Variants in ANKRD53 observed in about 807,000 individuals in gnomAD.
The protein encoded by ANKRD53 is ankyrin repeat domain 53.
ANKRD53 carries 27 observed loss-of-function variants against 30.1 expected under a neutral mutation model. That is an observed-to-expected ratio of 0.90 (90% confidence interval 0.66 to 1.24). The LOEUF is 1.24. Among genes scored for constraint, ANKRD53 ranks in the 50% most tolerant of loss-of-function variants. ANKRD53 has a pLI of 0.00. For synonymous variants in ANKRD53, 286 were observed against 295.4 expected, an observed-to-expected ratio of 0.97 and a Z score of 0.33; for missense variants, 682 against 721.0, an observed-to-expected ratio of 0.95 and a Z score of 0.62.
Position 70,984,250 on chromosome 2 carries a change from G to GT in ANKRD53, c.904-360dup, listed in dbSNP as rs1670101784. 1.9e-6 allele frequency: 3 copies of GT among 1,614,188 alleles called. No individual in the cohort carries two copies. In the East Asian group the frequency reaches 6.7e-5, roughly 36 times the overall value. Reference sequence around the variant, plus strand: ...TGGAGAAGAAGGGAATTGTCTTTCTGTAAGACTTGAGGTTTTCCCTAGGGC... The same window carrying GT: ...TGGAGAAGAAGGGAATTGTCTTTCTGTTAAGACTTGAGGTTTTCCCTAGGGC... On this transcript the variant is annotated intron_variant, in intron 5 of 5. Transcript: ENST00000360589.
chr2:70,985,317 T>C lies in ANKRD53; in HGVS notation c.*17T>C. 6.9e-7 allele frequency: 1 copy of C among 1,439,970 alleles called. No homozygotes were observed. The highest frequency in any genetic ancestry group is 9.3e-7 in the Non-Finnish European group (1 of 1,074,494). The allele number at this position is 1,439,970 out of a possible 1,614,324, so 89.2% of individuals were successfully genotyped here. A position where few individuals can be genotyped will look rare whatever the true frequency, so the allele number is the denominator to read the frequency against. ...AACCCATAAAGTTATTATGGCTACC[T>C]CTCCCCCTGAGGCAGCCCAGTGAAG... On this transcript the variant is annotated 3_prime_UTR_variant, in exon 6 of 6. Transcript: ENST00000360589.
intron 5 of ANKRD53, among the ~76,000 whole-genome samples, chr2:70,983,639 G>A (rs969356916): frequency 6.6e-6 from 1 of 152,132 alleles, no homozygotes. Context: ...CCAGTCCTCA[G>A]AGTCACACAC....
Position 70,982,669 on chromosome 2 carries a change from T to G in ANKRD53, c.875T>G (p.Met292Arg), listed in dbSNP as rs369415963. ...ATGTTCAAGAGCCAGCTGACCCTCATGGAGCACAACTACCTGATTGAGTAT... is the reference window on the plus strand; with the variant it reads ...ATGTTCAAGAGCCAGCTGACCCTCAGGGAGCACAACTACCTGATTGAGTAT... Reference protein sequence around the residue: ...MKMFKSQLTLMEHNYLIEYQK... With the variant: ...MKMFKSQLTLREHNYLIEYQK... The change falls in exon 5 of 6, where the codon ATG (methionine) becomes AGG (arginine). Residue 292 changes from methionine to arginine, a missense_variant. Physicochemically the swap from Met to Arg is moderately conservative, Grantham distance 91 (BLOSUM62 -1). Transcript: ENST00000360589. The surrounding 1 kb of genome is among the most constrained non-coding windows in gnomAD (Gnocchi z 4.2). 6.2e-7 allele frequency: 1 copy of G among 1,613,852 alleles called. No individual in the cohort carries two copies. Among genetic ancestry groups the G allele is most frequent in the African/African-American group, 1.3e-5 (1 of 74,876 alleles).
In ANKRD53 at chr2:70,984,786, G is replaced by A. The variant is rs782103926; in HGVS notation, c.1079G>A (p.Arg360His). Residue 360 changes from arginine to histidine, a missense_variant, in exon 6 of 6, where the codon CGC becomes CAC. Arg to His is a conservative substitution (Grantham distance 29, BLOSUM62 0). Transcript: ENST00000360589. The stretch of plus-strand genomic sequence containing the variant: ...AGCTTCCACCCCTCTGTGGATGCAC[G>A]CCTGCAATGCATTCCACAGCCCACG... ...SRSFHPSVDA[R>H]LQCIPQPTEM... The A allele has an allele frequency of 6.4e-6, 10 of 1,559,688 alleles. No homozygotes were observed. Among genetic ancestry groups the A allele is most frequent in the Middle Eastern group, 1.7e-4 (1 of 6,022 alleles).
Position 70,985,324 on chromosome 2 carries a change from CT to C in ANKRD53, c.*25del. ...AAAGTTATTATGGCTACCTCTCCCC[CT>C]GAGGCAGCCCAGTGAAGGCTGAAGT... is the stretch of plus-strand genomic sequence containing the variant. On this transcript the variant is annotated 3_prime_UTR_variant, in exon 6 of 6. Transcript: ENST00000360589. 2 of 1,535,992 alleles carry C rather than the reference CT, an allele frequency of 1.3e-6. No individual in the cohort carries two copies. The highest frequency in any genetic ancestry group is 1.2e-5 in the South Asian group (1 of 82,786).
At chr2:70,981,904 G>C in intron 3 of ANKRD53, 32 bp from the exon 4 acceptor site, 1 of 1,517,638 alleles carries the variant, frequency 6.6e-7, no homozygotes, top group Non-Finnish European at 8.8e-7. Context: ...TTTCCTTTCT[G>C]CCCTTATCCC....
chr2:70,979,134 C>T lies in ANKRD53; in HGVS notation c.208C>T (p.Gln70Ter). The change falls in exon 2 of 6, where the codon CAG becomes TAG. Residue 70 changes from glutamine (Q) to a stop codon, truncating the protein, a stop_gained. Transcript: ENST00000360589. LOFTEE classifies it high-confidence loss of function. ...CGACCTCGCAGACCACCTCAGTGCG[C>T]AGGCGACTGCCCTCGCCAGGCCGCG... ...LPDLADHLSAQATALARPRRP... is the reference protein window; with the variant it reads ...LPDLADHLSA 6.2e-7 allele frequency: 1 copy of T among 1,607,430 alleles called. No individual in the cohort carries two copies.
intron 2 of ANKRD53, 150 bp downstream of exon 2, chr2:70,979,493 G>A (rs943905562): frequency 2.7e-6 from 4 of 1,455,642 alleles, no homozygotes; most frequent in Non-Finnish European, 3.7e-6. Flanking sequence ...TGGGGGCAGG[G>A]AGGTTGGGTG....
rs781857618 is a variant in ANKRD53 at position 70,978,836 on chromosome 2, T to A, written c.170+21T>A. 6.5e-7 allele frequency: 1 copy of A among 1,549,864 alleles called. No individual in the cohort carries two copies. Among genetic ancestry groups the A allele is most frequent in the East Asian group, 2.4e-5 (1 of 41,380 alleles). On this transcript the variant is annotated intron_variant, in intron 1 of 5. Coordinates refer to ENST00000360589, the MANE Select transcript of ANKRD53 (RefSeq NM_001115116.2). This position sits in a 1 kb window ranked among gnomAD's most constrained non-coding sequence, Gnocchi z 4.3. The stretch of plus-strand genomic sequence containing the variant: ...CCCAGGTGGGTAGCGGGAGAAGGTG[T>A]CCCGGCTGCAGGGAGCGAGAACCCG...
intron 2 of ANKRD53, 83 bp downstream of exon 2, chr2:70,979,426 C>A: frequency 6.3e-7 from 1 of 1,582,116 alleles, no homozygotes; most frequent in South Asian, 1.2e-5. Flanking sequence ...AAGAGATATC[C>A]TTTTCTGGGT....
intron 5 of ANKRD53, among the ~76,000 whole-genome samples, chr2:70,983,249 G>A (rs1037776531): frequency 2.6e-5 from 4 of 152,192 alleles, no homozygotes; most frequent in Admixed American, 6.5e-5. Flanking sequence ...TGAAAGATGC[G>A]CAGCAGTTGG....
rs782720535 is a variant in ANKRD53, at chr2:70,979,825, C to T, written c.582C>T (p.Ile194=). Residue 194 remains isoleucine, a synonymous_variant, in exon 3 of 6, where the codon ATC becomes ATT. Transcript: ENST00000360589. The part of the protein sequence containing the change: ...RDNTTVALPC[I]YYLLEKGADL... ...ACACCACCGTGGCCCTCCCCTGCAT[C>T]TACTACCTGCTGGAGAAAGGCGCAG... The T allele has an allele frequency of 3.0e-5, 48 of 1,614,152 alleles. No individual in the cohort carries two copies. Among genetic ancestry groups the T allele is most frequent in the Non-Finnish European group, 4.0e-5 (47 of 1,180,058 alleles).
At position 70,982,416 on chromosome 2, in the gene ANKRD53, G is replaced by A; in HGVS notation, c.783-161G>A. 1.3e-5 allele frequency: 13 copies of A among 1,010,788 alleles called. No individual in the cohort carries two copies. Among genetic ancestry groups the A allele is most frequent in the Non-Finnish European group, 1.7e-5 (12 of 702,656 alleles). The allele number at this position is 1,010,788 out of a possible 1,614,324, so 62.6% of individuals were successfully genotyped here. Reference sequence around the variant, plus strand: ...TCGTCTTTCACCTAAAGGAAGTAGGGAGCCAGAGGGCCCCGGGCAATGGGG... The same window carrying A: ...TCGTCTTTCACCTAAAGGAAGTAGGAAGCCAGAGGGCCCCGGGCAATGGGG... On this transcript the variant is annotated intron_variant, in intron 4 of 5. Transcript: ENST00000360589. This position sits in a 1 kb window ranked among gnomAD's most constrained non-coding sequence, Gnocchi z 4.2.
Position 70,982,214 on chromosome 2 carries a change from G to C in ANKRD53, c.782+114G>C. 8.0e-7 allele frequency: 1 copy of C among 1,250,052 alleles called. No individual in the cohort carries two copies. The highest frequency in any genetic ancestry group is 1.6e-5 in the South Asian group (1 of 63,530). The allele number at this position is 1,250,052 out of a possible 1,614,324, so 77.4% of individuals were successfully genotyped here. On this transcript the variant is annotated intron_variant, in intron 4 of 5. Coordinates refer to ENST00000360589, the MANE Select transcript of ANKRD53 (RefSeq NM_001115116.2). This position sits in a 1 kb window ranked among gnomAD's most constrained non-coding sequence, Gnocchi z 4.2. ...AAGGGGAGGGTTGGGAAGCCAGACA[G>C]CTGGAGGATGCGCCTACTGCCCAGG...
At chr2:70,984,464 C>G in intron 5 of ANKRD53, 147 bp from the exon 6 acceptor site, 1 of 1,522,990 alleles carries the variant, frequency 6.6e-7, no homozygotes, top group Non-Finnish European at 8.7e-7. Flanking sequence ...TTGCTTCCAT[C>G]AGACTCAGAC....
At chr2:70,984,085 C>A in intron 5 of ANKRD53, 1 of 1,582,692 alleles carries the variant, frequency 6.3e-7, no homozygotes, top group Non-Finnish European at 8.7e-7. Context: ...AGCGTGTCCA[C>A]ATCAGGCCAT....
At chr2:70,980,653 A>C (rs902964781) in intron 3 of ANKRD53, among the ~76,000 whole-genome samples, 3 of 151,866 alleles carry the variant, frequency 2.0e-5, no homozygotes, top group African/African-American at 7.3e-5. Flanking sequence ...AATAAAAAAT[A>C]AAAAAAATTA....
chr2:70,979,071 C>T (rs1472041653), intron 1 of ANKRD53, 26 bp from the exon 2 acceptor site: 4 of 1,550,764 alleles, frequency 2.6e-6, no homozygotes, highest in Admixed American at 1.8e-5. Flanking sequence ...GGCCCAGAGT[C>T]GCTTCCCCAC....
chr2:70,980,012 T>C, intron 3 of ANKRD53, 152 bp downstream of exon 3: 2 of 914,128 alleles, frequency 2.2e-6, no homozygotes, highest in Non-Finnish European at 3.3e-6. Flanking sequence ...ATCCACATGG[T>C]GTAATAAAGA....
Sources: allele counts gnomAD v4.1 joint callset (sites outside exome capture counted in the v4.1 genomes callset), GRCh38; gene constraint gnomAD v4.1.1; non-coding constraint Gnocchi (gnomAD v3.1); transcripts MANE v1.5; gene names NCBI Gene and HGNC (gene_info 2026-07-23, HGNC 2026-07-21).